NKAIN3: variants seen among roughly 807,000 people sequenced by gnomAD.
NKAIN3 encodes sodium/potassium-transporting ATPase subunit beta-1-interacting protein 3.
NKAIN3 carries 25 observed loss-of-function variants against 30.2 expected under a neutral mutation model. The observed-to-expected ratio is 0.83, with a 90% CI of 0.60 to 1.16. The LOEUF is 1.16. NKAIN3 is among the 50% of genes most tolerant of loss of function. NKAIN3 has a pLI of 0.00. For synonymous variants in NKAIN3, 91 were observed against 89.6 expected, an observed-to-expected ratio of 1.02 and a Z score of -0.09; for missense variants, 225 against 254.1, an observed-to-expected ratio of 0.89 and a Z score of 0.78.
chr8:62,278,408 T>TA (rs1343779016), intron 1 of NKAIN3, among the ~76,000 whole-genome samples: 1 of 151,954 alleles, frequency 6.6e-6, no homozygotes, highest in African/African-American at 2.4e-5. Context: ...CTTTAAGTTT[T>TA]AGGGTACATG....
At chr8:62,709,358 C>A (rs1367413010) in intron 3 of NKAIN3, among the ~76,000 whole-genome samples, 1 of 151,868 alleles carries the variant, frequency 6.6e-6, no homozygotes, top group Non-Finnish European at 1.5e-5. Flanking sequence ...CCTGGACTTT[C>A]CTTTGCTGGT....
chr8:62,972,334 G>C lies in NKAIN3; in HGVS notation c.*6927G>C, dbSNP rs1823852293. Among the ~76,000 whole-genome samples, 1 of 152,038 alleles carries C rather than the reference G, an allele frequency of 6.6e-6. No individual in the cohort carries two copies. Among genetic ancestry groups the C allele is most frequent in the African/African-American group, 2.4e-5 (1 of 41,392 alleles). On this transcript the variant is annotated 3_prime_UTR_variant, in exon 7 of 7. Coordinates refer to ENST00000623646, the MANE Select transcript of NKAIN3 (RefSeq NM_001304533.3). ...TGTCCAAAAAAATATACAAGTGAGG[G>C]AATTAATAAAATTTTTTGTAATTAT...
chr8:62,347,437 A>G (rs187681785), intron 1 of NKAIN3, among the ~76,000 whole-genome samples: 1 of 152,266 alleles, frequency 6.6e-6, no homozygotes, highest in African/African-American at 2.4e-5. Flanking sequence ...CCATGTTCAA[A>G]GATTCTAAAG....
intron 1 of NKAIN3, among the ~76,000 whole-genome samples, chr8:62,493,986 C>T (rs1366572004): frequency 1.3e-5 from 2 of 152,104 alleles, no homozygotes; most frequent in Non-Finnish European, 2.9e-5. Flanking sequence ...ATTTGACTTC[C>T]TCTTTTCCCA....
intron 3 of NKAIN3, among the ~76,000 whole-genome samples, chr8:62,615,236 G>A (rs1303669264): frequency 6.6e-6 from 1 of 152,098 alleles, no homozygotes; most frequent in African/African-American, 2.4e-5. Context: ...CCAGGACTGG[G>A]TCCTTTCCTT....
At chr8:62,538,158 A>T (rs917817028) in intron 1 of NKAIN3, among the ~76,000 whole-genome samples, 3 of 152,082 alleles carry the variant, frequency 2.0e-5, no homozygotes, top group African/African-American at 7.2e-5. Flanking sequence ...AGTTCTTATG[A>T]TGAGGTAGCT....
intron 4 of NKAIN3, among the ~76,000 whole-genome samples, chr8:62,784,631 C>A (rs1391213668): frequency 6.6e-6 from 1 of 151,734 alleles, no homozygotes; most frequent in Non-Finnish European, 1.5e-5. Flanking sequence ...AAAAATCACC[C>A]AACAACAACA....
chr8:62,293,164 G>A (rs189395189), intron 1 of NKAIN3, among the ~76,000 whole-genome samples: 3 of 151,876 alleles, frequency 2.0e-5, no homozygotes, highest in Admixed American at 6.6e-5. Flanking sequence ...GCTTCTTTTC[G>A]ATGGGTTCGA....
rs778397135 is a variant in NKAIN3 at position 62,855,865 on chromosome 8, G to C, written c.472-62588G>C. 14 of 777,790 alleles carry C rather than the reference G, an allele frequency of 1.8e-5. No homozygotes were observed. The African/African-American group carries it at 2.4e-4, about 13-fold the overall frequency. 48.2% of individuals were successfully genotyped at this position (777,790 alleles called of 1,614,324 possible). ...TTCTGGTCATCCAACTCCTCTTCCT[G>C]TGGCACCAAAGCCACAAAATAAAGA... On this transcript the variant is annotated intron_variant, in intron 4 of 6. Transcript: ENST00000623646.
chr8:62,321,161 C>A (rs565770102), intron 1 of NKAIN3, among the ~76,000 whole-genome samples: 1 of 152,190 alleles, frequency 6.6e-6, no homozygotes, highest in African/African-American at 2.4e-5. Context: ...ACGTACTTCT[C>A]ATGCCATGGT....
rs192691367 is a variant in NKAIN3, at chr8:62,975,886, T to C, written c.*10479T>C. Among the ~76,000 whole-genome samples the C allele has an allele frequency of 7.4e-4, 112 of 152,350 alleles. 1 individual carries two copies. The highest frequency in any genetic ancestry group is 2.6e-3 in the African/African-American group (109 of 41,586). On this transcript the variant is annotated 3_prime_UTR_variant, in exon 7 of 7. Transcript: ENST00000623646. The stretch of plus-strand genomic sequence containing the variant: ...CCAGAGATTCTGGTACATTGTGTCT[T>C]TGTTCTTGTTGGTTTCAAAGAACTT...
intron 4 of NKAIN3, among the ~76,000 whole-genome samples, chr8:62,823,172 G>T (rs1009203258): frequency 3.3e-5 from 5 of 152,092 alleles, no homozygotes; most frequent in Non-Finnish European, 7.4e-5. Context: ...TGTACACTTA[G>T]GCTACACAAC....
At chr8:62,989,616 C>T (rs1435591621), downstream of NKAIN3, among the ~76,000 whole-genome samples, 1 of 152,082 alleles carries the variant, frequency 6.6e-6, no homozygotes, top group Admixed American at 6.5e-5. Flanking sequence ...GGGGACACAG[C>T]CAAGCCAAAT....
chr8:62,363,456 C>T (rs1187310157), intron 1 of NKAIN3, among the ~76,000 whole-genome samples: 1 of 152,130 alleles, frequency 6.6e-6, no homozygotes, highest in Non-Finnish European at 1.5e-5. Flanking sequence ...CCGCCTTTCT[C>T]CTCAACACAC....
intron 1 of NKAIN3, among the ~76,000 whole-genome samples, chr8:62,514,680 A>G (rs1807925747): frequency 6.6e-6 from 1 of 152,150 alleles, no homozygotes; most frequent in South Asian, 2.1e-4. Flanking sequence ...TAAATAATTC[A>G]TGTGTTACTA....
At chr8:62,597,271 G>A (rs966499591) in intron 3 of NKAIN3, among the ~76,000 whole-genome samples, 1 of 152,068 alleles carries the variant, frequency 6.6e-6, no homozygotes, top group Non-Finnish European at 1.5e-5. Context: ...CTTCTTTAGG[G>A]CCTGGAAAGC....
chr8:62,321,805 A>G (rs559594805), intron 1 of NKAIN3, among the ~76,000 whole-genome samples: 165 of 152,290 alleles, frequency 1.1e-3, no homozygotes, highest in African/African-American at 3.6e-3. Context: ...CAGTCTGTCC[A>G]TTCTCAGATC....
intron 1 of NKAIN3, among the ~76,000 whole-genome samples, chr8:62,503,566 C>A (rs939860915): frequency 6.6e-6 from 1 of 152,000 alleles, no homozygotes; most frequent in African/African-American, 2.4e-5. Context: ...GAGACCAGGG[C>A]GTATCTCAGT....
In NKAIN3 at chr8:62,335,373, C is replaced by T. The variant is rs140420247; in HGVS notation, c.54+86246C>T. Among the ~76,000 whole-genome samples, 223 of 147,758 alleles carry T rather than the reference C, an allele frequency of 1.5e-3. 1 individual carries two copies. Among genetic ancestry groups the T allele is most frequent in the African/African-American group, 5.1e-3 (205 of 40,016 alleles). On this transcript the variant is annotated intron_variant, in intron 1 of 6. Transcript: ENST00000623646. ...CTCGGGAGGTGGAGGTTGCAGTGAG[C>T]CAAGATCATTGTGCCACTGCACTCC...
Sources: allele counts gnomAD v4.1 joint callset (sites outside exome capture counted in the v4.1 genomes callset), GRCh38; gene constraint gnomAD v4.1.1; transcripts MANE v1.5; gene names NCBI Gene and HGNC (gene_info 2026-07-23, HGNC 2026-07-21).